SCAF4: variants seen among roughly 807,000 people sequenced by gnomAD.
SCAF4 encodes SR-related CTD associated factor 4, also known as SR-related and CTD-associated factor 4.
Under a neutral mutation model 129.8 loss-of-function variants are expected in SCAF4, and 25 were observed. That is an observed-to-expected ratio of 0.19 (90% CI 0.14 to 0.27). SCAF4 has a LOEUF of 0.27. Ranked by LOEUF, SCAF4 falls within the 10% of genes least tolerant of loss-of-function variation. SCAF4 has a pLI of 1.00. For synonymous variants in SCAF4, 551 were observed against 497.7 expected, an observed-to-expected ratio of 1.11 and a Z score of -1.43; for missense variants, 1,246 against 1,457.1, an observed-to-expected ratio of 0.86 and a Z score of 2.36.
At chr21:31,704,814 CT>C (rs1320967119) in intron 3 of SCAF4, among the ~76,000 whole-genome samples, 1 of 152,108 alleles carries the variant, frequency 6.6e-6, no homozygotes, top group African/African-American at 2.4e-5. Context: ...AAAGCGTTTA[CT>C]AACCATCTTT....
intron 1 of SCAF4, among the ~76,000 whole-genome samples, chr21:31,718,001 T>C (rs969418607): frequency 6.6e-6 from 1 of 151,712 alleles, no homozygotes; most frequent in Non-Finnish European, 1.5e-5. Flanking sequence ...TGGAGTGCAA[T>C]GGCGCGATCT....
At chr21:31,692,019 T>C in intron 13 of SCAF4, 89 bp from the exon 14 acceptor site, 3 of 675,028 alleles carry the variant, frequency 4.4e-6, no homozygotes, top group Non-Finnish European at 5.1e-6. Context: ...AACAATCCCA[T>C]CCCTCACCCC....
At chr21:31,702,485 A>C in intron 4 of SCAF4, 106 bp from the exon 5 acceptor site, 1 of 981,188 alleles carries the variant, frequency 1.0e-6, no homozygotes, top group South Asian at 1.7e-5. Context: ...ATATTTCCAT[A>C]CTATGTGTGT....
chr21:31,684,317 G>A (rs1366619572), intron 19 of SCAF4: 1 of 152,752 alleles, frequency 6.5e-6, no homozygotes, highest in African/African-American at 2.4e-5. Context: ...ACAACAATTT[G>A]TTAATTTAAA....
chr21:31,688,928 G>C (rs1182024209), intron 15 of SCAF4, among the ~76,000 whole-genome samples: 1 of 152,174 alleles, frequency 6.6e-6, no homozygotes, highest in Non-Finnish European at 1.5e-5. Flanking sequence ...TAATATTAAA[G>C]AATAACTTAA....
chr21:31,674,515 T>G (rs921493749), intron 19 of SCAF4, among the ~76,000 whole-genome samples: 30 of 152,326 alleles, frequency 2.0e-4, no homozygotes, highest in African/African-American at 6.5e-4. Flanking sequence ...CCAGATGGCC[T>G]TCAGACCACA....
intron 1 of SCAF4, among the ~76,000 whole-genome samples, chr21:31,722,890 T>C (rs1601278071): frequency 6.6e-6 from 1 of 152,082 alleles, no homozygotes; most frequent in East Asian, 1.9e-4. Flanking sequence ...GAGGCGGAGG[T>C]TGCAGTGAGC....
Position 31,701,009 on chromosome 21 carries a change from T to C in SCAF4, c.763A>G (p.Thr255Ala), listed in dbSNP as rs2050517163. 1.2e-6 allele frequency: 2 copies of C among 1,613,938 alleles called. No homozygotes were observed. The highest frequency in any genetic ancestry group is 1.7e-5 in the Admixed American group (1 of 59,998). The change falls in exon 7 of 20, where the codon ACT (threonine) becomes GCT (alanine). Residue 255 changes from threonine (T) to alanine (A), a missense_variant. By Grantham distance (58) the Thr-to-Ala change is moderately conservative. This residue lies in a region of SCAF4 where 4 missense variants were observed against 16.4 expected (regional missense o/e 0.24). Transcript: ENST00000286835. ...KAAFPPPEQK[T>A]AFDKKLLDRF... Reference sequence around the variant, plus strand: ...GAGAAATATACCTTGTCAAATGCAGTTTTCTGTTCAGGTGGGGGGAAAGCA... The same window carrying C: ...GAGAAATATACCTTGTCAAATGCAGCTTTCTGTTCAGGTGGGGGGAAAGCA...
chr21:31,691,672 T>TAAAAAAAAAAAAA (rs5843527), intron 14 of SCAF4, 145 bp downstream of exon 14: 1 of 271,936 alleles, frequency 3.7e-6, no homozygotes, highest in Non-Finnish European at 6.6e-6. Context: ...AAATATTCTT[T>TAAAAAAAAAAAAA]AAAAAAAAAA....
chr21:31,713,676 G>A (rs2050857107), intron 1 of SCAF4, among the ~76,000 whole-genome samples: 1 of 132,804 alleles, frequency 7.5e-6, no homozygotes, highest in Admixed American at 9.1e-5. Flanking sequence ...CAAAATAACT[G>A]CTAGTCACCT....
At position 31,731,921 on chromosome 21, in the gene SCAF4, A is replaced by G. The variant is rs1357160389; in HGVS notation, c.-229T>C. On this transcript the variant is annotated 5_prime_UTR_variant, in exon 1 of 20. Transcript: ENST00000286835. ...CTCAGTCCCGTTCGCAGGATGAGGA[A>G]AAGGAGGCGGCGGCAGCGCTGGTCT... The G allele has an allele frequency of 1.4e-5, 7 of 489,036 alleles. No individual in the cohort carries two copies. Among genetic ancestry groups the G allele is most frequent in the Admixed American group, 4.4e-5 (1 of 22,954 alleles). The allele number at this position is 489,036 out of a possible 1,614,324, so 30.3% of individuals were successfully genotyped here. A position where few individuals can be genotyped will look rare whatever the true frequency, so the allele number is the denominator to read the frequency against.
chr21:31,731,784 TG>T lies in SCAF4; in HGVS notation c.-93del. On this transcript the variant is annotated 5_prime_UTR_variant, in exon 1 of 20. Coordinates refer to ENST00000286835, the MANE Select transcript of SCAF4 (RefSeq NM_020706.2). The stretch of plus-strand genomic sequence containing the variant: ...GGGCTGGGAAACCAGCCGGGCCTGG[TG>T]GCCGGGGGGAGGCGACGAGCGGCGG... 7.1e-7 allele frequency: 1 copy of T among 1,408,306 alleles called. No homozygotes were observed. Among genetic ancestry groups the T allele is most frequent in the African/African-American group, 1.5e-5 (1 of 67,034 alleles). 87.2% of individuals were successfully genotyped at this position (1,408,306 alleles called of 1,614,324 possible).
intron 1 of SCAF4, among the ~76,000 whole-genome samples, chr21:31,731,446 G>C (rs1276366577): frequency 6.6e-6 from 1 of 152,176 alleles, no homozygotes. Context: ...GTCGCGGTCC[G>C]GGGGTGGGCA....
At chr21:31,725,909 T>C (rs2051190631) in intron 1 of SCAF4, among the ~76,000 whole-genome samples, 1 of 152,192 alleles carries the variant, frequency 6.6e-6, no homozygotes, top group South Asian at 2.1e-4. Flanking sequence ...GTTATTTATA[T>C]TAACATATTG....
At chr21:31,683,763 C>G (rs1335619555) in intron 19 of SCAF4, among the ~76,000 whole-genome samples, 2 of 151,868 alleles carry the variant, frequency 1.3e-5, no homozygotes, top group Non-Finnish European at 2.9e-5. Flanking sequence ...GGTTCCTAGT[C>G]CAATGTTCCT....
rs1026278818 is a variant in SCAF4 at position 31,731,715 on chromosome 21, C to G, written c.-23G>C. 6.4e-7 allele frequency: 1 copy of G among 1,574,104 alleles called. No homozygotes were observed. The highest frequency in any genetic ancestry group is 1.8e-5 in the Admixed American group (1 of 57,126). ...CATGTTCGCGCTGCGGCGGCGGCTG[C>G]TCCGGGCCCGCCGGTCACATAGACC... On this transcript the variant is annotated 5_prime_UTR_variant, in exon 1 of 20. Coordinates refer to ENST00000286835, the MANE Select transcript of SCAF4 (RefSeq NM_020706.2).
intron 7 of SCAF4, among the ~76,000 whole-genome samples, chr21:31,698,679 A>G (rs1366161981): frequency 6.6e-6 from 1 of 152,172 alleles, no homozygotes; most frequent in African/African-American, 2.4e-5. Context: ...GTGGGCCTCA[A>G]TCAATCAGTT....
At chr21:31,701,739 T>C (rs763031611) in intron 6 of SCAF4, 37 bp downstream of exon 6, 1 of 1,583,624 alleles carries the variant, frequency 6.3e-7, no homozygotes, top group Non-Finnish European at 8.6e-7. Flanking sequence ...CAGTACCTAG[T>C]CCTGCAAACA....
chr21:31,704,166 T>C (rs1363561246), intron 3 of SCAF4, among the ~76,000 whole-genome samples: 2 of 152,102 alleles, frequency 1.3e-5, no homozygotes, highest in African/African-American at 4.8e-5. Context: ...ATTTCTCTAC[T>C]TCCCTACACC....
Sources: allele counts gnomAD v4.1 joint callset (sites outside exome capture counted in the v4.1 genomes callset), GRCh38; gene constraint gnomAD v4.1.1; regional missense constraint gnomAD v4.1.1; transcripts MANE v1.5; gene names NCBI Gene and HGNC (gene_info 2026-07-23, HGNC 2026-07-21).